RAD51AP2: variants seen among roughly 807,000 people sequenced by gnomAD.
RAD51AP2 encodes RAD51-associated protein 2.
A neutral mutation model predicts 85.5 loss-of-function variants in RAD51AP2; 67 were observed. That is an observed-to-expected ratio of 0.78 (90% CI 0.64 to 0.96). The LOEUF is 0.96. Ranked by LOEUF, RAD51AP2 falls within the 40% of genes least tolerant of loss-of-function variation. The pLI is 0.00. For missense variants in RAD51AP2, 1,307 were observed against 1,332.4 expected (o/e 0.98, Z 0.30); for synonymous variants, 474 against 446.5 (o/e 1.06, Z -0.78).
In RAD51AP2 at chr2:17,518,101, T is replaced by C; in HGVS notation, c.315A>G (p.Ser105=). ...AGCTACTCATTTGGAATTTGAGATT[T>C]GAGCATTTCAGATTACATATCTGCT... ...SGKQICNLKC[S]NLKFQMSSCL... Residue 105 remains serine (S), a synonymous_variant, in exon 1 of 3, where the codon TCA becomes TCG. Coordinates refer to ENST00000399080, the MANE Select transcript of RAD51AP2 (RefSeq NM_001099218.3). The C allele has an allele frequency of 6.2e-7, 1 of 1,614,216 alleles. No homozygotes were observed. The highest frequency in any genetic ancestry group is 8.5e-7 in the Non-Finnish European group (1 of 1,180,042).
Position 17,518,062 on chromosome 2 carries a change from G to T in RAD51AP2, c.354C>A (p.Pro118=), listed in dbSNP as rs1263503416. 6.2e-7 allele frequency: 1 copy of T among 1,614,006 alleles called. No homozygotes were observed. The highest frequency in any genetic ancestry group is 8.5e-7 in the Non-Finnish European group (1 of 1,180,036). ...AATCAGAATCAGGACTTTGTGAGGG[G>T]GGAGACTGCAAACAGCTACTCATTT... ...KFQMSSCLQS[P]PSQSPDSDLR... The change falls in exon 1 of 3, where the codon CCC becomes CCA. Residue 118 remains proline, a synonymous_variant. Transcript: ENST00000399080.
intron 2 of RAD51AP2, among the ~76,000 whole-genome samples, chr2:17,511,422 G>C (rs1662492593): frequency 6.6e-6 from 1 of 152,156 alleles, no homozygotes; most frequent in African/African-American, 2.4e-5. Flanking sequence ...AGAGGGCTCT[G>C]AGTTGGAAGT....
In RAD51AP2 at chr2:17,514,046, T is replaced by C. The variant is rs1186776232; in HGVS notation, c.3294A>G (p.Glu1098=). ...ATAAATAATTAAATTCTTCTTTACA[T>C]TCATCAGGGAGAAAAGCAGGTCTTT... ...LPKRPAFLPD[E]CKEEFNYLLR... The change falls in exon 2 of 3, where the codon GAA becomes GAG. Residue 1098 remains glutamate (E), a synonymous_variant. Transcript: ENST00000399080. 2 of 1,586,372 alleles carry C rather than the reference T, an allele frequency of 1.3e-6. No individual in the cohort carries two copies. Among genetic ancestry groups the C allele is most frequent in the Non-Finnish European group, 1.7e-6 (2 of 1,156,426 alleles).
intron 1 of RAD51AP2, among the ~76,000 whole-genome samples, chr2:17,514,604 T>C (rs1260991180): frequency 6.6e-6 from 1 of 152,068 alleles, no homozygotes; most frequent in African/African-American, 2.4e-5. Flanking sequence ...CCCCCATCTC[T>C]ACTAAAAACA....
chr2:17,522,566 A>G (rs1201335683), upstream of RAD51AP2, among the ~76,000 whole-genome samples: 1 of 152,040 alleles, frequency 6.6e-6, no homozygotes, highest in Non-Finnish European at 1.5e-5. Context: ...ATGTTCCACT[A>G]TTTACAACAT....
chr2:17,519,006 T>C (rs1277003119), upstream of RAD51AP2, among the ~76,000 whole-genome samples: 1 of 152,034 alleles, frequency 6.6e-6, no homozygotes, highest in Non-Finnish European at 1.5e-5. Context: ...AAAGTGTGTT[T>C]GGGGGAAAAA....
At position 17,516,670 on chromosome 2, in the gene RAD51AP2, A is replaced by C; in HGVS notation, c.1746T>G (p.Thr582=). 6.4e-7 allele frequency: 1 copy of C among 1,568,394 alleles called. No homozygotes were observed. Among genetic ancestry groups the C allele is most frequent in the Non-Finnish European group, 8.6e-7 (1 of 1,158,274 alleles). Reference sequence around the variant, plus strand: ...AGTTATTGAGCAAAAAAGCTATGTTAGTTTTCAATAGAATATCTAAAGGTT... The same window carrying C: ...AGTTATTGAGCAAAAAAGCTATGTTCGTTTTCAATAGAATATCTAAAGGTT... The part of the protein sequence containing the change: ...VSEPLDILLK[T]NIAFLLNNFD... Residue 582 remains threonine, a synonymous_variant, in exon 1 of 3, where the codon ACT becomes ACG. Coordinates refer to ENST00000399080, the MANE Select transcript of RAD51AP2 (RefSeq NM_001099218.3).
chr2:17,526,182 A>G, the RAD51AP2 span, among the ~76,000 whole-genome samples: 1 of 152,032 alleles, frequency 6.6e-6, no homozygotes, highest in Non-Finnish European at 1.5e-5. Context: ...TAAAAAGTAA[A>G]GCATAAAAAG....
At chr2:17,513,974 A>T (rs997950416) in intron 2 of RAD51AP2, 38 bp downstream of exon 2, 6 of 1,046,868 alleles carry the variant, frequency 5.7e-6, no homozygotes, top group South Asian at 2.7e-5. Context: ...TGCAATAATC[A>T]TCTTAGAAGT....
At chr2:17,535,593 G>A in the RAD51AP2 span, among the ~76,000 whole-genome samples, 4 of 152,144 alleles carry the variant, frequency 2.6e-5, no homozygotes, top group African/African-American at 4.8e-5. Flanking sequence ...AGTTAACGAC[G>A]TGATGAGGAA....
rs771570880 is a variant in RAD51AP2 at position 17,516,992 on chromosome 2, G to A, written c.1424C>T (p.Thr475Met). The part of the protein sequence containing the change: ...EILGSQTALI[T>M]TVWLNGKGEN... ...TCCTTTACCATTTAGCCAAACAGTCGTTATTAAAGCTGTCTGACTACCTAA... is the reference window on the plus strand; with the variant it reads ...TCCTTTACCATTTAGCCAAACAGTCATTATTAAAGCTGTCTGACTACCTAA... The change falls in exon 1 of 3, where the codon ACG (threonine) becomes ATG (methionine). Residue 475 changes from threonine to methionine, a missense_variant. Thr to Met is a moderately conservative substitution (Grantham distance 81). Transcript: ENST00000399080. 17 of 1,598,344 alleles carry A rather than the reference G, an allele frequency of 1.1e-5. No homozygotes were observed. Among genetic ancestry groups the A allele is most frequent in the African/African-American group, 1.4e-5 (1 of 73,812 alleles).
At chr2:17,514,796 T>C (rs1400989485) in intron 1 of RAD51AP2, among the ~76,000 whole-genome samples, 2 of 151,926 alleles carry the variant, frequency 1.3e-5, no homozygotes, top group Non-Finnish European at 2.9e-5. Context: ...GGACATAGAA[T>C]TGGTCATGCC....
Position 17,515,382 on chromosome 2 carries a change from C to T in RAD51AP2, c.3034G>A (p.Glu1012Lys). The part of the protein sequence containing the change: ...GENDAEKVKM[E>K]IEKDLKMVVV... ...ACCATTTTCAAATCTTTTTCTATCT[C>T]CATTTTTACCTTCTCAGCATCATTT... Residue 1012 changes from glutamate (E) to lysine (K), a missense_variant, in exon 1 of 3, where the codon GAG becomes AAG. Transcript: ENST00000399080. The T allele has an allele frequency of 1.9e-6, 3 of 1,611,856 alleles. No homozygotes were observed. The highest frequency in any genetic ancestry group is 2.5e-6 in the Non-Finnish European group (3 of 1,179,422).
chr2:17,526,972 A>AT, the RAD51AP2 span, among the ~76,000 whole-genome samples: 5 of 152,056 alleles, frequency 3.3e-5, no homozygotes, highest in Non-Finnish European at 5.9e-5. Context: ...TTTTATTTTG[A>AT]TTTTTTTCTG....
chr2:17,517,949 C>T lies in RAD51AP2; in HGVS notation c.467G>A (p.Ser156Asn), dbSNP rs375277920. The change falls in exon 1 of 3, where the codon AGT becomes AAT. Residue 156 changes from serine (S) to asparagine (N), a missense_variant. Transcript: ENST00000399080. ...HRSNSSKAGVSQLLPSTSIHD... is the reference protein window; with the variant it reads ...HRSNSSKAGVNQLLPSTSIHD... ...TATAGAGGTGCTGGGCAGAAGTTGACTAACCCCTGCTTTGGAGCTATTACT... is the reference window on the plus strand; with the variant it reads ...TATAGAGGTGCTGGGCAGAAGTTGATTAACCCCTGCTTTGGAGCTATTACT... The T allele has an allele frequency of 1.4e-4, 220 of 1,614,164 alleles. No homozygotes were observed. The African/African-American group carries it at 2.7e-3, about 19-fold the overall frequency.
the RAD51AP2 span, among the ~76,000 whole-genome samples, chr2:17,533,683 G>A: frequency 6.6e-6 from 1 of 152,202 alleles, no homozygotes; most frequent in African/African-American, 2.4e-5. Context: ...GGAGGTGAAA[G>A]CAGGAGGATT....
At chr2:17,524,848 G>T in the RAD51AP2 span, among the ~76,000 whole-genome samples, 13 of 151,852 alleles carry the variant, frequency 8.6e-5, no homozygotes, top group East Asian at 2.5e-3. Flanking sequence ...TTCGGGGAGG[G>T]ATTACATAAA....
At chr2:17,522,219 G>C (rs1204026582), upstream of RAD51AP2, among the ~76,000 whole-genome samples, 1 of 151,828 alleles carries the variant, frequency 6.6e-6, no homozygotes, top group Non-Finnish European at 1.5e-5. Context: ...GTTCTAAACT[G>C]TTTTTTTCAG....
chr2:17,526,260 A>G, the RAD51AP2 span, among the ~76,000 whole-genome samples: 1 of 152,004 alleles, frequency 6.6e-6, no homozygotes, highest in South Asian at 2.1e-4. Context: ...ATATAAAAAA[A>G]TTCATTCAAA....
Sources: allele counts gnomAD v4.1 joint callset (sites outside exome capture counted in the v4.1 genomes callset), GRCh38; gene constraint gnomAD v4.1.1; transcripts MANE v1.5; gene names NCBI Gene and HGNC (gene_info 2026-07-23, HGNC 2026-07-21).